Variants in CDC20B observed in about 807,000 individuals in gnomAD.
The protein encoded by CDC20B is cell division cycle protein 20 homolog B.
CDC20B carries 58 observed loss-of-function variants against 64.1 expected under a neutral mutation model. The ratio of observed to expected loss-of-function variants is 0.90; its 90% CI spans 0.73 to 1.13. The LOEUF is 1.13. CDC20B is among the 50% of genes most tolerant of loss of function. The probability of loss-of-function intolerance (pLI) is 0.00; values close to 1 mark genes in which losing one functional copy is unlikely to be tolerated. For synonymous variants in CDC20B, 243 were observed against 230.6 expected, an observed-to-expected ratio of 1.05 and a Z score of -0.49; for missense variants, 597 against 633.0, an observed-to-expected ratio of 0.94 and a Z score of 0.61.
intron 3 of CDC20B, among the ~76,000 whole-genome samples, chr5:55,145,442 G>A (rs1743443661): frequency 1.3e-5 from 2 of 152,176 alleles, no homozygotes; most frequent in African/African-American, 4.8e-5. Context: ...ATGTTGCCTA[G>A]GATTCTCAAA....
intron 5 of CDC20B, 21 bp from the exon 6 acceptor site, chr5:55,133,549 T>C: frequency 1.9e-6 from 2 of 1,056,524 alleles, no homozygotes; most frequent in Non-Finnish European, 2.8e-6. Flanking sequence ...CAAACACTTC[T>C]ACACAGCTCT....
chr5:55,160,177 T>C (rs1441256439), intron 2 of CDC20B: 9 of 1,605,518 alleles, frequency 5.6e-6, no homozygotes, highest in Non-Finnish European at 6.8e-6. Flanking sequence ...GAGACTTCCC[T>C]CTAGAATCCT....
chr5:55,124,483 A>G (rs1742827283), intron 9 of CDC20B, among the ~76,000 whole-genome samples: 1 of 152,160 alleles, frequency 6.6e-6, no homozygotes, highest in South Asian at 2.1e-4. Flanking sequence ...CCCAAATGAC[A>G]TTACTCAAAG....
chr5:55,170,450 T>C (rs1244890424), intron 2 of CDC20B: 15 of 489,670 alleles, frequency 3.1e-5, no homozygotes, highest in South Asian at 1.8e-4. Flanking sequence ...TAATATATTA[T>C]GGTAAATAGT....
At chr5:55,158,580 C>T (rs1372819913) in intron 2 of CDC20B, among the ~76,000 whole-genome samples, 1 of 152,132 alleles carries the variant, frequency 6.6e-6, no homozygotes, top group East Asian at 1.9e-4. Flanking sequence ...GCAGGCAGCA[C>T]CCTGAGCACC....
chr5:55,122,397 A>G (rs535325984), intron 9 of CDC20B, among the ~76,000 whole-genome samples: 39 of 152,076 alleles, frequency 2.6e-4, no homozygotes, highest in Non-Finnish European at 4.6e-4. Flanking sequence ...TCAGCCTCCC[A>G]AAGTGCTGGG....
intron 8 of CDC20B, among the ~76,000 whole-genome samples, chr5:55,126,160 A>T (rs1020632613): frequency 6.6e-6 from 1 of 152,200 alleles, no homozygotes; most frequent in Non-Finnish European, 1.5e-5. Flanking sequence ...AAAACACAAG[A>T]TATTCAAGTC....
In CDC20B at chr5:55,120,448, G is replaced by T; in HGVS notation, c.1318C>A (p.Gln440Lys). Residue 440 changes from glutamine (Q) to lysine (K), a missense_variant, in exon 10 of 12, where the codon CAG (glutamine) becomes AAG (lysine). This residue lies in a region of CDC20B where 353 missense variants were observed against 397.0 expected (regional missense o/e 0.89). Transcript: ENST00000381375. ...ACCTGTGAGTTTGTGCTTGGGGTCTGGATGCTCTTCCCAGCATTTATATCC... is the reference window on the plus strand; with the variant it reads ...ACCTGTGAGTTTGTGCTTGGGGTCTTGATGCTCTTCCCAGCATTTATATCC... ...ILDINAGKSI[Q>K]TPSTNSQICS... The T allele has an allele frequency of 6.2e-7, 1 of 1,613,760 alleles. No individual in the cohort carries two copies. Among genetic ancestry groups the T allele is most frequent in the Non-Finnish European group, 8.5e-7 (1 of 1,179,772 alleles).
At chr5:55,129,059 C>A (rs1210566300) in intron 6 of CDC20B, among the ~76,000 whole-genome samples, 4 of 152,132 alleles carry the variant, frequency 2.6e-5, no homozygotes, top group Non-Finnish European at 4.4e-5. Flanking sequence ...ATGTATGATA[C>A]CTACACGTTC....
intron 2 of CDC20B, among the ~76,000 whole-genome samples, chr5:55,148,755 C>G (rs571555974): frequency 3.9e-5 from 6 of 152,242 alleles, no homozygotes; most frequent in African/African-American, 1.4e-4. Flanking sequence ...ATGGAGAAAA[C>G]ATCCAGCATT....
intron 5 of CDC20B, among the ~76,000 whole-genome samples, chr5:55,139,576 C>T (rs568250497): frequency 1.3e-5 from 2 of 152,006 alleles, no homozygotes; most frequent in African/African-American, 4.8e-5. Context: ...TTTTAATACT[C>T]AGCTAAACAA....
chr5:55,148,585 G>C (rs999676498), intron 2 of CDC20B, among the ~76,000 whole-genome samples: 10 of 152,148 alleles, frequency 6.6e-5, no homozygotes, highest in African/African-American at 2.4e-4. Flanking sequence ...GTGGTGGTGT[G>C]TACTTGTAGT....
intron 2 of CDC20B, among the ~76,000 whole-genome samples, chr5:55,148,415 A>T (rs572390297): frequency 6.6e-6 from 1 of 152,348 alleles, no homozygotes; most frequent in South Asian, 2.1e-4. Context: ...CACCTCTAAG[A>T]ATTTAAAAAA....
At chr5:55,159,453 T>C (rs1453641112) in intron 2 of CDC20B, among the ~76,000 whole-genome samples, 1 of 152,186 alleles carries the variant, frequency 6.6e-6, no homozygotes, top group African/African-American at 2.4e-5. Flanking sequence ...TTCTCAGTTG[T>C]GTGTTGTTTG....
chr5:55,162,091 A>C (rs1443151979), intron 2 of CDC20B, among the ~76,000 whole-genome samples: 4 of 7,322 alleles, frequency 5.5e-4, no homozygotes, highest in Non-Finnish European at 1.3e-3. Context: ...CATATTAGTC[A>C]AAAAAAAAAA....
chr5:55,148,462 G>A (rs112856433), intron 2 of CDC20B, among the ~76,000 whole-genome samples: 1,850 of 152,256 alleles, frequency 0.012, 34 homozygotes, highest in African/African-American at 0.043. Context: ...GCTTGAAATC[G>A]TAGCTCTTTG....
intron 5 of CDC20B, among the ~76,000 whole-genome samples, chr5:55,135,242 T>C (rs1003283783): frequency 6.6e-6 from 1 of 151,966 alleles, no homozygotes; most frequent in African/African-American, 2.4e-5. Context: ...TCTATATATA[T>C]ATATATACAG....
chr5:55,150,674 AG>A (rs1743641160), intron 2 of CDC20B, among the ~76,000 whole-genome samples: 1 of 152,188 alleles, frequency 6.6e-6, no homozygotes, highest in Non-Finnish European at 1.5e-5. Flanking sequence ...AACCTTGACT[AG>A]GGGGCAGCAG....
chr5:55,113,090 G>T lies in CDC20B; in HGVS notation c.*1128C>A, dbSNP rs888219773. 1 of 152,218 alleles carries T rather than the reference G, an allele frequency of 6.6e-6. No individual in the cohort carries two copies. 9.4% of individuals were successfully genotyped at this position (152,218 alleles called of 1,614,324 possible). A position where few individuals can be genotyped will look rare whatever the true frequency, so the allele number is the denominator to read the frequency against. On this transcript the variant is annotated 3_prime_UTR_variant, in exon 12 of 12. Coordinates refer to ENST00000381375, the MANE Select transcript of CDC20B (RefSeq NM_001170402.1). The stretch of plus-strand genomic sequence containing the variant: ...ACATCATTTCAAAACACTTCCTGGA[G>T]AGGTTAGGACTTGTGTGGGTGTGTA...
Sources: allele counts gnomAD v4.1 joint callset (sites outside exome capture counted in the v4.1 genomes callset), GRCh38; gene constraint gnomAD v4.1.1; regional missense constraint gnomAD v4.1.1; transcripts MANE v1.5; gene names NCBI Gene and HGNC (gene_info 2026-07-23, HGNC 2026-07-21).